Variants in IKZF2 observed in about 807,000 individuals in gnomAD.
IKZF2 encodes IKAROS family zinc finger 2, also known as zinc finger protein Helios.
In IKZF2, 15 loss-of-function variants were observed where a neutral mutation model predicts 49.2. The ratio of observed to expected loss-of-function variants is 0.30; its 90% CI spans 0.20 to 0.47. IKZF2 has a LOEUF of 0.47. Among genes scored for constraint, IKZF2 ranks in the 20% least tolerant of loss-of-function variants. The pLI is 1.00. For synonymous variants in IKZF2, 227 were observed against 221.4 expected, an observed-to-expected ratio of 1.03 and a Z score of -0.23; for missense variants, 567 against 664.6, an observed-to-expected ratio of 0.85 and a Z score of 1.61.
intron 4 of IKZF2, among the ~76,000 whole-genome samples, chr2:213,085,222 G>T (rs1182369023): frequency 6.6e-6 from 1 of 152,154 alleles, no homozygotes; most frequent in Admixed American, 6.5e-5. Context: ...AAATCGAAAG[G>T]TGAGCTCCTT....
chr2:213,139,663 G>C (rs2060799389), intron 4 of IKZF2, among the ~76,000 whole-genome samples: 2 of 151,950 alleles, frequency 1.3e-5, no homozygotes, highest in South Asian at 2.1e-4. Context: ...TCAACCTTGA[G>C]ATACAGATCC....
chr2:213,144,680 G>A (rs895997159), intron 4 of IKZF2, among the ~76,000 whole-genome samples: 15 of 151,882 alleles, frequency 9.9e-5, no homozygotes, highest in Admixed American at 6.6e-4. Flanking sequence ...TGTCATCCCT[G>A]ACACCGAAGA....
chr2:213,028,748 C>A (rs556887276), intron 6 of IKZF2, among the ~76,000 whole-genome samples: 68 of 152,176 alleles, frequency 4.5e-4, no homozygotes, highest in African/African-American at 1.6e-3. Flanking sequence ...TTTATTACAT[C>A]ATTTCACAAT....
chr2:213,084,904 T>C (rs1446518221), intron 4 of IKZF2, among the ~76,000 whole-genome samples: 1 of 152,232 alleles, frequency 6.6e-6, no homozygotes, highest in African/African-American at 2.4e-5. Context: ...AGTTTCAATG[T>C]GATTTCCTAA....
chr2:213,060,085 C>T (rs1338908959), intron 4 of IKZF2, among the ~76,000 whole-genome samples: 1 of 151,132 alleles, frequency 6.6e-6, no homozygotes, highest in Non-Finnish European at 1.5e-5. Context: ...AAACAAAATC[C>T]CAGTGTAACT....
chr2:213,007,860 G>A lies in IKZF2; in HGVS notation c.1081C>T (p.Pro361Ser), dbSNP rs780835673. 9 of 1,613,534 alleles carry A rather than the reference G, an allele frequency of 5.6e-6. No individual in the cohort carries two copies. Among genetic ancestry groups the A allele is most frequent in the Admixed American group, 5.0e-5 (3 of 59,894 alleles). ...CTAATGGGTCTTTCTATCCTATTTGGATGATAGACCTGAGAATAAGCTGAG... is the reference window on the plus strand; with the variant it reads ...CTAATGGGTCTTTCTATCCTATTTGAATGATAGACCTGAGAATAAGCTGAG... ...ISSAYSQVYHPNRIERPISRE... is the reference protein window; with the variant it reads ...ISSAYSQVYHSNRIERPISRE... The change falls in exon 9 of 9, where the codon CCA becomes TCA. Residue 361 changes from proline (P) to serine (S), a missense_variant. Around this residue, in one of 5 missense-constraint regions of IKZF2, gnomAD observed 310 missense variants for 326.9 expected, o/e 0.95. Coordinates refer to ENST00000434687, the MANE Select transcript of IKZF2 (RefSeq NM_001387220.1).
At chr2:213,107,108 G>T (rs2059560071) in intron 4 of IKZF2, among the ~76,000 whole-genome samples, 1 of 152,094 alleles carries the variant, frequency 6.6e-6, no homozygotes. Flanking sequence ...TCTATGATGA[G>T]CAAATTAGCC....
intron 4 of IKZF2, among the ~76,000 whole-genome samples, chr2:213,134,122 C>T (rs2060571732): frequency 6.6e-6 from 1 of 152,154 alleles, no homozygotes; most frequent in South Asian, 2.1e-4. Context: ...AGTATGATCT[C>T]AAGAAAGTCT....
At position 213,022,074 on chromosome 2, in the gene IKZF2, G is replaced by C; in HGVS notation, c.631C>G (p.Leu211Val). The change falls in exon 7 of 9, where the codon CTG becomes GTG. Residue 211 changes from leucine to valine, a missense_variant. Leu to Val is a conservative substitution (Grantham distance 32). Around this residue, in one of 5 missense-constraint regions of IKZF2, gnomAD observed 310 missense variants for 326.9 expected, o/e 0.95. Coordinates refer to ENST00000434687, the MANE Select transcript of IKZF2 (RefSeq NM_001387220.1). ...CGRSYKQRSS[L>V]EEHKERCHNY... The stretch of plus-strand genomic sequence containing the variant: ...TGGCAGCGTTCCTTGTGCTCCTCCA[G>C]TGAACTGCGCTGCTTGTAGCTTCGT... 2 of 1,613,832 alleles carry C rather than the reference G, an allele frequency of 1.2e-6. No individual in the cohort carries two copies.
intron 4 of IKZF2, among the ~76,000 whole-genome samples, chr2:213,125,325 T>C (rs184438687): frequency 2.0e-5 from 3 of 152,310 alleles, no homozygotes; most frequent in Admixed American, 2.0e-4. Context: ...TTTTTAATTA[T>C]AATTTCTCCC....
chr2:213,092,560 G>A (rs960080297), intron 4 of IKZF2, among the ~76,000 whole-genome samples: 1 of 152,054 alleles, frequency 6.6e-6, no homozygotes, highest in Admixed American at 6.6e-5. Flanking sequence ...CCCCTGTGAT[G>A]GTACCATCCC....
chr2:213,045,555 T>C (rs1410876582), intron 6 of IKZF2, among the ~76,000 whole-genome samples: 1 of 152,198 alleles, frequency 6.6e-6, no homozygotes, highest in East Asian at 1.9e-4. Flanking sequence ...TGGAATATTA[T>C]ATTCATGACA....
intron 4 of IKZF2, among the ~76,000 whole-genome samples, chr2:213,059,945 A>G (rs1701524868): frequency 6.6e-6 from 1 of 151,410 alleles, no homozygotes; most frequent in Non-Finnish European, 1.5e-5. Context: ...CAATACTATA[A>G]AGAAGTATGT....
intron 4 of IKZF2, among the ~76,000 whole-genome samples, chr2:213,128,715 C>A (rs540271908): frequency 6.6e-6 from 1 of 152,036 alleles, no homozygotes; most frequent in Non-Finnish European, 1.5e-5. Context: ...GCAACCTCCA[C>A]CCGCCAAGTT....
chr2:213,117,706 C>T (rs2059921837), intron 4 of IKZF2, among the ~76,000 whole-genome samples: 1 of 152,190 alleles, frequency 6.6e-6, no homozygotes, highest in African/African-American at 2.4e-5. Flanking sequence ...TTCCGTTTCC[C>T]ACTCTTGACA....
intron 4 of IKZF2, chr2:213,147,506 T>G: frequency 3.0e-6 from 2 of 669,810 alleles, no homozygotes; most frequent in South Asian, 3.3e-5. Flanking sequence ...AAATGCCACC[T>G]TGGGATAGTT....
intron 4 of IKZF2, among the ~76,000 whole-genome samples, chr2:213,062,853 T>G (rs995783819): frequency 4.6e-5 from 7 of 152,010 alleles, no homozygotes; most frequent in African/African-American, 1.7e-4. Context: ...CATGATTAAA[T>G]CCATGTTAAT....
intron 4 of IKZF2, among the ~76,000 whole-genome samples, chr2:213,116,264 G>A (rs1211098570): frequency 6.6e-6 from 1 of 152,082 alleles, no homozygotes; most frequent in Non-Finnish European, 1.5e-5. Flanking sequence ...TGTTGAGGAC[G>A]TACAATGTTA....
intron 6 of IKZF2, among the ~76,000 whole-genome samples, chr2:213,030,205 A>G (rs1698258013): frequency 6.6e-6 from 1 of 151,862 alleles, no homozygotes; most frequent in Non-Finnish European, 1.5e-5. Flanking sequence ...TGATTTCTTT[A>G]CTGTTTTAAG....
Sources: allele counts gnomAD v4.1 joint callset (sites outside exome capture counted in the v4.1 genomes callset), GRCh38; gene constraint gnomAD v4.1.1; regional missense constraint gnomAD v4.1.1; transcripts MANE v1.5; gene names NCBI Gene and HGNC (gene_info 2026-07-23, HGNC 2026-07-21).